The following DCAF11 variants were observed in gnomAD, a reference collection of about 807,000 sequenced individuals.
The protein encoded by DCAF11 is DDB1 and CUL4 associated factor 11.
In DCAF11, 44 loss-of-function variants were observed where a neutral mutation model predicts 76.1. The ratio of observed to expected loss-of-function variants is 0.58; its 90% CI spans 0.45 to 0.74. The LOEUF (loss-of-function observed/expected upper bound fraction) is 0.74. Among genes scored for constraint, DCAF11 ranks in the 30% least tolerant of loss-of-function variants. The pLI, the probability that DCAF11 is intolerant of heterozygous loss-of-function variation, is 0.00. For synonymous variants in DCAF11, 258 were observed against 255.0 expected (o/e 1.01, Z -0.11); for missense variants, 604 against 709.4 (o/e 0.85, Z 1.69).
rs760414131 is a variant in DCAF11 at position 24,123,175 on chromosome 14, T to C, written c.1507T>C (p.Trp503Arg). ...CTGCTTGCCACCCTCTGCCCTGCAG[T>C]GGGACGGGAACCTGCGTCTGTGGCA... Reference protein sequence around the residue: ...PFEEKIVSSSWDGNLRLWQYR... With the variant: ...PFEEKIVSSSRDGNLRLWQYR... The change falls in exon 15 of 15, where the codon TGG becomes CGG. Residue 503 changes from tryptophan to arginine, a missense_variant and splice_region_variant. Physicochemically the swap from Trp to Arg is moderately radical, Grantham distance 101. Transcript: ENST00000446197. 2 of 1,612,642 alleles carry C rather than the reference T, an allele frequency of 1.2e-6. No individual in the cohort carries two copies. Among genetic ancestry groups the C allele is most frequent in the East Asian group, 2.2e-5 (1 of 44,868 alleles).
rs2037608266 is a variant in DCAF11, at chr14:24,117,680, C to T, written c.424C>T (p.Leu142Phe). The T allele has an allele frequency of 6.2e-7, 1 of 1,614,014 alleles. No homozygotes were observed. The highest frequency in any genetic ancestry group is 8.5e-7 in the Non-Finnish European group (1 of 1,179,994). ...CCCTTCCATTTAGAGAGAACGGGGC[C>T]TCTGCCATCGGGGAAGCTTCTCCCT... ...PRMLHQRERG[L>F]CHRGSFSLGE... is the part of the protein sequence containing the mutation. The change falls in exon 5 of 15, where the codon CTC (leucine) becomes TTC (phenylalanine). Residue 142 changes from leucine (L) to phenylalanine (F), a missense_variant. Leu to Phe is a conservative substitution (Grantham distance 22, BLOSUM62 0). Transcript: ENST00000446197. The surrounding 1 kb of genome is among the most constrained non-coding windows in gnomAD (Gnocchi z 4.3).
In DCAF11 at chr14:24,114,984, C is replaced by T. The variant is rs541390580; in HGVS notation, c.-523C>T. 2.0e-6 allele frequency: 2 copies of T among 985,964 alleles called. No homozygotes were observed. Among genetic ancestry groups the T allele is most frequent in the Admixed American group, 6.1e-5 (1 of 16,298 alleles). 61.1% of individuals were successfully genotyped at this position (985,964 alleles called of 1,614,324 possible). On this transcript the variant is annotated 5_prime_UTR_variant, in exon 1 of 15. Transcript: ENST00000446197. Reference sequence around the variant, plus strand: ...TTCAGTGGGAGGTGCTTCTCGGCTTCCTCCCCCTCATGGCGTACACACCCC... The same window carrying T: ...TTCAGTGGGAGGTGCTTCTCGGCTTTCTCCCCCTCATGGCGTACACACCCC...
chr14:24,115,008 C>T lies in DCAF11; in HGVS notation c.-499C>T, dbSNP rs2037510430. ...TCCTCCCCCTCATGGCGTACACACCCCCGGCGCACCACGTGGGCGTGAGGC... is the reference window on the plus strand; with the variant it reads ...TCCTCCCCCTCATGGCGTACACACCTCCGGCGCACCACGTGGGCGTGAGGC... On this transcript the variant is annotated 5_prime_UTR_variant, in exon 1 of 15. Transcript: ENST00000446197. 1 of 986,020 alleles carries T rather than the reference C, an allele frequency of 1.0e-6. No homozygotes were observed. Among genetic ancestry groups the T allele is most frequent in the South Asian group, 4.7e-5 (1 of 21,438 alleles). 61.1% of individuals were successfully genotyped at this position (986,020 alleles called of 1,614,324 possible). A position where few individuals can be genotyped will look rare whatever the true frequency, so the allele number is the denominator to read the frequency against.
At chr14:24,119,939 C>T (rs2037659165) in intron 11 of DCAF11, 43 bp downstream of exon 11, 1 of 1,547,326 alleles carries the variant, frequency 6.5e-7, no homozygotes, top group Non-Finnish European at 8.7e-7. Context: ...CGCTAAGGTT[C>T]TAGTTGCCCA....
At position 24,117,961 on chromosome 14, in the gene DCAF11, C is replaced by G. The variant is rs1047694145; in HGVS notation, c.477-94C>G. The G allele has an allele frequency of 7.1e-6, 7 of 984,726 alleles. No individual in the cohort carries two copies. The Admixed American group carries it at 1.4e-4, about 19-fold the overall frequency. 61.0% of individuals were successfully genotyped at this position (984,726 alleles called of 1,614,324 possible). On this transcript the variant is annotated intron_variant, in intron 5 of 14. Transcript: ENST00000446197. The surrounding 1 kb of genome is among the most constrained non-coding windows in gnomAD (Gnocchi z 4.3). ...ACTCACAGCCAAAAGGGAAGAATGA[C>G]TGTTCTGATATTCCAGCTCTGTTAG... is the stretch of plus-strand genomic sequence containing the variant.
intron 7 of DCAF11, 75 bp downstream of exon 7, chr14:24,118,609 C>T: frequency 6.3e-7 from 1 of 1,597,918 alleles, no homozygotes; most frequent in East Asian, 2.2e-5. Context: ...CCCTCTGAGC[C>T]AGGATCCCTC....
chr14:24,117,781 T>C lies in DCAF11; in HGVS notation c.476+49T>C, dbSNP rs2139014268. Reference sequence around the variant, plus strand: ...GACTCTAAGGGCCAGATAGGTCTTATCTCCTAAACTTTGAAGGGGTAGGTG... The same window carrying C: ...GACTCTAAGGGCCAGATAGGTCTTACCTCCTAAACTTTGAAGGGGTAGGTG... On this transcript the variant is annotated intron_variant, in intron 5 of 14. Coordinates refer to ENST00000446197, the MANE Select transcript of DCAF11 (RefSeq NM_025230.5). This position sits in a 1 kb window ranked among gnomAD's most constrained non-coding sequence, Gnocchi z 4.3. The C allele has an allele frequency of 2.5e-6, 4 of 1,582,022 alleles. No homozygotes were observed. The South Asian group carries it at 3.3e-5, about 13-fold the overall frequency.
Position 24,123,367 on chromosome 14 carries a change from C to T in DCAF11, c.*58C>T. ...CTTGATAAGCTCTCTGCCTCCTCCT[C>T]CCTTTCTCCCTTGTGGGGAATGTTT... is the stretch of plus-strand genomic sequence containing the variant. On this transcript the variant is annotated 3_prime_UTR_variant, in exon 15 of 15. Coordinates refer to ENST00000446197, the MANE Select transcript of DCAF11 (RefSeq NM_025230.5). 1 of 1,498,886 alleles carries T rather than the reference C, an allele frequency of 6.7e-7. No individual in the cohort carries two copies. The highest frequency in any genetic ancestry group is 1.4e-5 in the South Asian group (1 of 71,910). 92.8% of individuals were successfully genotyped at this position (1,498,886 alleles called of 1,614,324 possible). A position where few individuals can be genotyped will look rare whatever the true frequency, so the allele number is the denominator to read the frequency against.
chr14:24,119,101 A>T, intron 8 of DCAF11, 44 bp from the exon 9 acceptor site: 1 of 1,613,018 alleles, frequency 6.2e-7, no homozygotes. Flanking sequence ...AGATTAACAA[A>T]AGCTGAAGGA....
In DCAF11 at chr14:24,120,901, C is replaced by G; in HGVS notation, c.1156C>G (p.Arg386Gly). 2.5e-6 allele frequency: 4 copies of G among 1,614,214 alleles called. No homozygotes were observed. The highest frequency in any genetic ancestry group is 3.4e-6 in the Non-Finnish European group (4 of 1,180,044). ...GACCATCAAACTCTGGGATATCCGACGCTTTTCCAGCCGGGAAGGCATGGA... is the reference window on the plus strand; with the variant it reads ...GACCATCAAACTCTGGGATATCCGAGGCTTTTCCAGCCGGGAAGGCATGGA... ...DQTIKLWDIRRFSSREGMEAS... is the reference protein window; with the variant it reads ...DQTIKLWDIRGFSSREGMEAS... Residue 386 changes from arginine to glycine, a missense_variant, in exon 12 of 15, where the codon CGC (arginine) becomes GGC (glycine). Arg to Gly is a moderately radical substitution (Grantham distance 125). Transcript: ENST00000446197.
Position 24,122,971 on chromosome 14 carries a change from T to C in DCAF11, c.1400T>C (p.Val467Ala). ...YSGCSTGKVV[V>A]YDLLSGHIVK... ...CTCCACTCTTGCCTGTCCTGGACAG[T>C]GTACGACCTTCTAAGTGGCCACATT... The change falls in exon 14 of 15, where the codon GTG becomes GCG. Residue 467 changes from valine to alanine, a missense_variant and splice_region_variant. Coordinates refer to ENST00000446197, the MANE Select transcript of DCAF11 (RefSeq NM_025230.5). 1 of 1,614,046 alleles carries C rather than the reference T, an allele frequency of 6.2e-7. No individual in the cohort carries two copies. The highest frequency in any genetic ancestry group is 8.5e-7 in the Non-Finnish European group (1 of 1,179,944).
chr14:24,122,912 T>G (rs1594341862), intron 13 of DCAF11, 59 bp from the exon 14 acceptor site: 6 of 1,483,010 alleles, frequency 4.0e-6, no homozygotes, highest in East Asian at 4.6e-5. Flanking sequence ...CATGGGGAGG[T>G]GAGGGATAGT....
chr14:24,123,543 C>A lies in DCAF11; in HGVS notation c.*234C>A. The A allele has an allele frequency of 1.9e-6, 1 of 514,102 alleles. No homozygotes were observed. The highest frequency in any genetic ancestry group is 3.1e-6 in the Non-Finnish European group (1 of 320,240). The allele number at this position is 514,102 out of a possible 1,614,324, so 31.8% of individuals were successfully genotyped here. A position where few individuals can be genotyped will look rare whatever the true frequency, so the allele number is the denominator to read the frequency against. ...GTCCCTATCTCTGGCCAGAGTTTGG[C>A]AGGACTGCCATTATCTGGGGTGTGG... On this transcript the variant is annotated 3_prime_UTR_variant, in exon 15 of 15. Coordinates refer to ENST00000446197, the MANE Select transcript of DCAF11 (RefSeq NM_025230.5).
Position 24,118,472 on chromosome 14 carries a change from T to C in DCAF11, c.662T>C (p.Val221Ala). The change falls in exon 7 of 15, where the codon GTC becomes GCC. Residue 221 changes from valine to alanine, a missense_variant. Val to Ala is a moderately conservative substitution (Grantham distance 64). Coordinates refer to ENST00000446197, the MANE Select transcript of DCAF11 (RefSeq NM_025230.5). ...AAGGCCCGCGACGTAGGCTGGAGCG[T>C]CTTGGATGTGGCCTTCACCCCTGAT... ...SIKARDVGWS[V>A]LDVAFTPDGN... The C allele has an allele frequency of 6.2e-7, 1 of 1,614,138 alleles. No homozygotes were observed.
chr14:24,114,931 G>C lies in DCAF11; in HGVS notation c.-576G>C. 1.0e-6 allele frequency: 1 copy of C among 986,032 alleles called. No individual in the cohort carries two copies. The highest frequency in any genetic ancestry group is 1.1e-4 in the East Asian group (1 of 8,824). 61.1% of individuals were successfully genotyped at this position (986,032 alleles called of 1,614,324 possible). On this transcript the variant is annotated 5_prime_UTR_variant, in exon 1 of 15. Coordinates refer to ENST00000446197, the MANE Select transcript of DCAF11 (RefSeq NM_025230.5). ...CTGCGACCGCTCCTGGCTGGTGGGT[G>C]GTCTCGCGTGGGGCGGTTACCGCCG...
At chr14:24,116,886 C>T (rs764252072) in intron 2 of DCAF11, 31 bp from the exon 3 acceptor site, 3 of 1,613,606 alleles carry the variant, frequency 1.9e-6, no homozygotes, top group African/African-American at 1.3e-5. Flanking sequence ...GGGAAGAAGT[C>T]CCCTCCTTTA....
chr14:24,117,650 C>A lies in DCAF11; in HGVS notation c.412-18C>A. The A allele has an allele frequency of 6.2e-7, 1 of 1,613,374 alleles. No individual in the cohort carries two copies. The highest frequency in any genetic ancestry group is 8.5e-7 in the Non-Finnish European group (1 of 1,179,448). ...CCTCTATTTCTGCTAGCAATATTCCCCAATCCCTTCCATTTAGAGAGAACG... is the reference window on the plus strand; with the variant it reads ...CCTCTATTTCTGCTAGCAATATTCCACAATCCCTTCCATTTAGAGAGAACG... On this transcript the variant is annotated intron_variant, in intron 4 of 14. Coordinates refer to ENST00000446197, the MANE Select transcript of DCAF11 (RefSeq NM_025230.5). This position sits in a 1 kb window ranked among gnomAD's most constrained non-coding sequence, Gnocchi z 4.3.
rs142387074 is a variant in DCAF11, at chr14:24,118,079, C to T, written c.501C>T (p.Phe167=). The T allele has an allele frequency of 3.0e-5, 49 of 1,612,496 alleles. No homozygotes were observed. The highest frequency in any genetic ancestry group is 1.6e-4 in the Middle Eastern group (1 of 6,078). ...GCTTCTTGCCCAATGATCTGGGCTTCACTGATAGCTACTCTCAGAAGGCTT... is the reference window on the plus strand; with the variant it reads ...GCTTCTTGCCCAATGATCTGGGCTTTACTGATAGCTACTCTCAGAAGGCTT... ...ISHFLPNDLG[F]TDSYSQKAFC... The change falls in exon 6 of 15, where the codon TTC becomes TTT. Residue 167 remains phenylalanine, a synonymous_variant. Coordinates refer to ENST00000446197, the MANE Select transcript of DCAF11 (RefSeq NM_025230.5).
Position 24,115,551 on chromosome 14 carries a change from AG to A in DCAF11, c.-42del. 1 of 1,569,588 alleles carries A rather than the reference AG, an allele frequency of 6.4e-7. No individual in the cohort carries two copies. The highest frequency in any genetic ancestry group is 8.6e-7 in the Non-Finnish European group (1 of 1,158,794). On this transcript the variant is annotated 5_prime_UTR_variant, in exon 2 of 15. Transcript: ENST00000446197. ...CTTTCACCAAACCCAAGGAGGTGAC[AG>A]GAGGAGCCCCCGCACAGGACCTAAG...
Sources: allele counts gnomAD v4.1 joint callset, GRCh38; gene constraint gnomAD v4.1.1; non-coding constraint Gnocchi (gnomAD v3.1); transcripts MANE v1.5; gene names NCBI Gene and HGNC (gene_info 2026-07-23, HGNC 2026-07-21).